Variants in CLSTN1 observed in about 807,000 individuals in gnomAD.
CLSTN1 encodes calsyntenin 1.
In CLSTN1, 28 loss-of-function variants were observed where a neutral mutation model predicts 108.3. That is an observed-to-expected ratio of 0.26 (90% CI 0.19 to 0.35). The LOEUF is 0.35. Ranked by LOEUF, CLSTN1 falls within the 10% of genes least tolerant of loss-of-function variation. The probability of loss-of-function intolerance (pLI) is 1.00; values close to 1 mark genes in which losing one functional copy is unlikely to be tolerated. For missense variants in CLSTN1, 1,157 were observed against 1,302.6 expected (o/e 0.89, Z 1.72); for synonymous variants, 524 against 534.9 (o/e 0.98, Z 0.28).
chr1:9,756,917 T>C lies in CLSTN1; in HGVS notation c.215-407A>G, dbSNP rs1348145547. Among the ~76,000 whole-genome samples, 3 of 151,980 alleles carry C rather than the reference T, an allele frequency of 2.0e-5. No homozygotes were observed. In the East Asian group the frequency reaches 5.8e-4, roughly 29 times the overall value. On this transcript the variant is annotated intron_variant, in intron 2 of 18. Transcript: ENST00000377298. ...CCTCAGCCTCCCGAGTAGCTGGGAC[T>C]ACAGGCGCCCGCCACCACGCCCGGA...
Position 9,730,744 on chromosome 1 carries a change from G to T in CLSTN1, c.2749-39C>A. ...GTGACGGCCACATGAGTCCGGCCCT[G>T]CCCACAGCCCCGTCACCTGGCATTC... On this transcript the variant is annotated intron_variant, in intron 18 of 18. Transcript: ENST00000377298. The surrounding 1 kb of genome is among the most constrained non-coding windows in gnomAD (Gnocchi z 5.6). 6.5e-7 allele frequency: 1 copy of T among 1,537,448 alleles called. No homozygotes were observed.
intron 7 of CLSTN1, among the ~76,000 whole-genome samples, chr1:9,745,900 C>G (rs1651246031): frequency 6.6e-6 from 1 of 150,802 alleles, no homozygotes; most frequent in Non-Finnish European, 1.5e-5. Flanking sequence ...TCCCAAGTAG[C>G]TGGGACCACA....
At chr1:9,751,028 G>A (rs1651533833) in intron 5 of CLSTN1, among the ~76,000 whole-genome samples, 2 of 150,934 alleles carry the variant, frequency 1.3e-5, no homozygotes, top group South Asian at 4.2e-4. Flanking sequence ...TCGCACCACT[G>A]TACTCCAGCC....
chr1:9,755,130 C>G lies in CLSTN1; in HGVS notation c.424G>C (p.Val142Leu). The G allele has an allele frequency of 6.2e-7, 1 of 1,610,172 alleles. No homozygotes were observed. Among genetic ancestry groups the G allele is most frequent in the Non-Finnish European group, 8.5e-7 (1 of 1,177,168 alleles). The change falls in exon 4 of 19, where the codon GTG becomes CTG. Residue 142 changes from valine to leucine, a missense_variant. Physicochemically the swap from Val to Leu is conservative, Grantham distance 32. Coordinates refer to ENST00000377298, the MANE Select transcript of CLSTN1 (RefSeq NM_001009566.3). ...DCGKGPDGTN[V>L]KKSHKATVHI... ...CTTACTTACTTATGAGACTTTTTCA[C>G]GTTGGTGCCATCAGGTCCCTTCCCA...
chr1:9,731,299 T>C lies in CLSTN1; in HGVS notation c.2655A>G (p.Ala885=), dbSNP rs373726938. 9 of 1,614,136 alleles carry C rather than the reference T, an allele frequency of 5.6e-6. No individual in the cohort carries two copies. Among genetic ancestry groups the C allele is most frequent in the Non-Finnish European group, 6.8e-6 (8 of 1,180,048 alleles). ...CCTGATCCCGCATGGTCCGCCGATG[T>C]GCGGCCCGGATCCGAAATACCCCCA... ...IILGVFRIRA[A]HRRTMRDQDT... The change falls in exon 18 of 19, where the codon GCA becomes GCG. Residue 885 remains alanine, a synonymous_variant. Coordinates refer to ENST00000377298, the MANE Select transcript of CLSTN1 (RefSeq NM_001009566.3).
rs145931178 is a variant in CLSTN1 at position 9,810,731 on chromosome 1, C to T, written c.91+12912G>A. 8.5e-3 allele frequency among the ~76,000 whole-genome samples: 1,290 copies of T among 151,718 alleles called. 20 individuals carry two copies. The highest frequency in any genetic ancestry group is 0.044 in the East Asian group (226 of 5,170). ...CGGAGGTTGCAGTGAGCCGAGATTG[C>T]GCCACTACACTCCAGCCTGGGCGAC... On this transcript the variant is annotated intron_variant, in intron 1 of 18. Coordinates refer to ENST00000377298, the MANE Select transcript of CLSTN1 (RefSeq NM_001009566.3).
At chr1:9,810,820 A>G (rs969025583) in intron 1 of CLSTN1, among the ~76,000 whole-genome samples, 1 of 152,060 alleles carries the variant, frequency 6.6e-6, no homozygotes. Context: ...AAATAAAAAT[A>G]AAATCTAAAC....
At chr1:9,770,753 G>T (rs914572309) in intron 2 of CLSTN1, among the ~76,000 whole-genome samples, 3 of 152,210 alleles carry the variant, frequency 2.0e-5, no homozygotes, top group Non-Finnish European at 4.4e-5. Flanking sequence ...CAGCACTTCG[G>T]GAGGCCAAGG....
intron 7 of CLSTN1, among the ~76,000 whole-genome samples, chr1:9,748,974 G>A (rs1009228120): frequency 4.0e-5 from 6 of 151,764 alleles, no homozygotes; most frequent in East Asian, 1.9e-4. Flanking sequence ...GTGCCATCAC[G>A]GCTCACTGCA....
At chr1:9,742,014 G>T (rs377385392) in intron 9 of CLSTN1, among the ~76,000 whole-genome samples, 1 of 152,272 alleles carries the variant, frequency 6.6e-6, no homozygotes, top group African/African-American at 2.4e-5. Context: ...CAATAAATAT[G>T]AACATCAGCT....
At chr1:9,773,208 G>A (rs962853123) in intron 2 of CLSTN1, 64 bp downstream of exon 2, 1 of 1,603,962 alleles carries the variant, frequency 6.2e-7, no homozygotes, top group African/African-American at 1.3e-5. Context: ...ACCCAAATGG[G>A]ATGTGCAGAA....
In CLSTN1 at chr1:9,749,557, C is replaced by T. The variant is rs1651447333; in HGVS notation, c.889G>A (p.Ala297Thr). ...IHLETCDEPV[A>T]SVQATVELET... is the part of the protein sequence containing the mutation. ...AGCTCCACTGTGGCCTGTACTGAGG[C>T]GACTGGCTCGTCACATGTCTCCAGG... The change falls in exon 7 of 19, where the codon GCC (alanine) becomes ACC (threonine). Residue 297 changes from alanine (A) to threonine (T), a missense_variant. Ala to Thr is a moderately conservative substitution (Grantham distance 58). Transcript: ENST00000377298. 10 of 1,614,198 alleles carry T rather than the reference C, an allele frequency of 6.2e-6. No homozygotes were observed. Among genetic ancestry groups the T allele is most frequent in the African/African-American group, 1.3e-5 (1 of 75,052 alleles).
rs754180612 is a variant in CLSTN1 at position 9,744,531 on chromosome 1, G to A, written c.1098C>T (p.Asn366=). The A allele has an allele frequency of 3.3e-5, 54 of 1,613,340 alleles. No individual in the cohort carries two copies. Among genetic ancestry groups the A allele is most frequent in the African/African-American group, 1.7e-4 (13 of 74,836 alleles). The part of the protein sequence containing the change: ...GHDSDQVFEF[N]GTQAVRIPDG... Reference sequence around the variant, plus strand: ...CCGGGATCCTCACTGCCTGGGTGCCGTTGAACTCAAACACCTGGTCGCTGT... The same window carrying A: ...CCGGGATCCTCACTGCCTGGGTGCCATTGAACTCAAACACCTGGTCGCTGT... The change falls in exon 8 of 19, where the codon AAC becomes AAT. Residue 366 remains asparagine, a synonymous_variant. Transcript: ENST00000377298.
intron 1 of CLSTN1, among the ~76,000 whole-genome samples, chr1:9,816,328 A>T (rs1318412119): frequency 6.6e-6 from 1 of 152,174 alleles, no homozygotes; most frequent in East Asian, 1.9e-4. Flanking sequence ...AAAATAGACT[A>T]GGGGTTGCCA....
Position 9,730,521 on chromosome 1 carries a change from G to T in CLSTN1, c.2933C>A (p.Thr978Asn). ...CGGGGGCACGGGTCAGTAGCTGAGG[G>T]TGGAGTCATCCCACTCCAGCTGCTG... Reference protein sequence around the residue: ...RQQQLEWDDSTLSY With the variant: ...RQQQLEWDDSNLSY Residue 978 changes from threonine (T) to asparagine (N), a missense_variant, in exon 19 of 19, where the codon ACC becomes AAC. Physicochemically the swap from Thr to Asn is moderately conservative, Grantham distance 65. Transcript: ENST00000377298. This position sits in a 1 kb window ranked among gnomAD's most constrained non-coding sequence, Gnocchi z 5.6. The T allele has an allele frequency of 6.2e-7, 1 of 1,604,270 alleles. No homozygotes were observed. Among genetic ancestry groups the T allele is most frequent in the Non-Finnish European group, 8.5e-7 (1 of 1,179,670 alleles).
chr1:9,733,949 C>G (rs751414713), intron 15 of CLSTN1, 23 bp downstream of exon 15: 3 of 1,591,400 alleles, frequency 1.9e-6, no homozygotes, highest in Non-Finnish European at 2.6e-6. Context: ...GGCCCACCTG[C>G]GTGGCTGCAG....
At chr1:9,787,731 G>A (rs1653562387) in intron 1 of CLSTN1, among the ~76,000 whole-genome samples, 1 of 151,066 alleles carries the variant, frequency 6.6e-6, no homozygotes, top group African/African-American at 2.4e-5. Context: ...TTTTTAATGT[G>A]GGAAAATACA....
intron 1 of CLSTN1, among the ~76,000 whole-genome samples, chr1:9,795,034 GA>G (rs1311538957): frequency 2.1e-5 from 3 of 145,888 alleles, no homozygotes; most frequent in Non-Finnish European, 4.5e-5. Context: ...AAAAAAAAAA[GA>G]AAAAAAATCA....
intron 9 of CLSTN1, among the ~76,000 whole-genome samples, chr1:9,742,815 G>T (rs1282220961): frequency 6.6e-6 from 1 of 152,008 alleles, no homozygotes; most frequent in East Asian, 1.9e-4. Flanking sequence ...GGCTGAGGCA[G>T]GAGGATCGCT....
Sources: allele counts gnomAD v4.1 joint callset (sites outside exome capture counted in the v4.1 genomes callset), GRCh38; gene constraint gnomAD v4.1.1; non-coding constraint Gnocchi (gnomAD v3.1); transcripts MANE v1.5; gene names NCBI Gene and HGNC (gene_info 2026-07-23, HGNC 2026-07-21).